C16orf95: variants seen among roughly 807,000 people sequenced by gnomAD.
C16orf95 encodes uncharacterized protein C16orf95.
In C16orf95, 41 loss-of-function variants were observed where a neutral mutation model predicts 32.1. The ratio of observed to expected loss-of-function variants is 1.28; its 90% CI spans 1.00 to 1.66. C16orf95 has a LOEUF of 1.66. Among genes scored for constraint, C16orf95 ranks in the 40% most tolerant of loss-of-function variants. C16orf95 has a pLI of 0.00. For missense variants in C16orf95, 399 were observed against 325.9 expected (o/e 1.22, Z -1.73); for synonymous variants, 147 against 128.9 (o/e 1.14, Z -0.95).
intron 2 of C16orf95, 105 bp downstream of exon 2, chr16:87,315,667 G>A (rs952259405): frequency 1.2e-4 from 106 of 870,118 alleles, no homozygotes; most frequent in Non-Finnish European, 1.6e-4. Flanking sequence ...GTGTTTGGAG[G>A]ATTCTCTCAT....
rs1904316075 is a variant in C16orf95, at chr16:87,315,693, G to C, written c.204+79C>G. On this transcript the variant is annotated intron_variant, in intron 2 of 6. Coordinates refer to ENST00000567970, the MANE Select transcript of C16orf95 (RefSeq NM_001195124.3). ...ATTCTCTCATGGGATGCAGCTTCTGGACCCACATTCCCTGCTCTCCTCACC... is the reference window on the plus strand; with the variant it reads ...ATTCTCTCATGGGATGCAGCTTCTGCACCCACATTCCCTGCTCTCCTCACC... 3 of 1,115,174 alleles carry C rather than the reference G, an allele frequency of 2.7e-6. No homozygotes were observed. In the South Asian group the frequency reaches 5.1e-5, roughly 19 times the overall value. 69.1% of individuals were successfully genotyped at this position (1,115,174 alleles called of 1,614,324 possible). A position where few individuals can be genotyped will look rare whatever the true frequency, so the allele number is the denominator to read the frequency against.
chr16:87,306,824 T>C (rs1277831219), intron 5 of C16orf95, among the ~76,000 whole-genome samples: 1 of 152,216 alleles, frequency 6.6e-6, no homozygotes, highest in Non-Finnish European at 1.5e-5. Context: ...ATAAGTCACC[T>C]AAACTACAAA....
intron 3 of C16orf95, among the ~76,000 whole-genome samples, chr16:87,313,284 G>C (rs1234176557): frequency 1.3e-5 from 2 of 151,682 alleles, no homozygotes; most frequent in Non-Finnish European, 2.9e-5. Context: ...ATAAAGTCAA[G>C]ACACAATAAT....
At position 87,305,619 on chromosome 16, in the gene C16orf95, A is replaced by C. The variant is rs1332107634; in HGVS notation, c.701+100T>G. 3 of 1,105,150 alleles carry C rather than the reference A, an allele frequency of 2.7e-6. No homozygotes were observed. The highest frequency in any genetic ancestry group is 2.5e-6 in the Non-Finnish European group (2 of 808,146). 68.5% of individuals were successfully genotyped at this position (1,105,150 alleles called of 1,614,324 possible). On this transcript the variant is annotated intron_variant, in intron 6 of 6. Transcript: ENST00000567970. This position sits in a 1 kb window ranked among gnomAD's most constrained non-coding sequence, Gnocchi z 4.2. The stretch of plus-strand genomic sequence containing the variant: ...TTGGACGCCTGTCAAGTTAAGCCCC[A>C]CCCCCCACTCTTCCACATCCCTGAT...
At chr16:87,306,720 A>G (rs1305256785) in intron 5 of C16orf95, among the ~76,000 whole-genome samples, 1 of 152,190 alleles carries the variant, frequency 6.6e-6, no homozygotes, top group African/African-American at 2.4e-5. Context: ...AAGAACTGTC[A>G]TAATTCTCCT....
rs937851207 is a variant in C16orf95, at chr16:87,317,209, G to A, written c.34C>T (p.Arg12Cys). Reference protein sequence around the residue: ...RASRSPPSPRRCHHHHEATGA... With the variant: ...RASRSPPSPRCCHHHHEATGA... ...GTGGCCTCATGATGATGGTGACAAC[G>A]CCGCGGGGACGGTGGGGACCGGCTC... The change falls in exon 1 of 7, where the codon CGT becomes TGT. Residue 12 changes from arginine (R) to cysteine (C), a missense_variant. Arg to Cys is a radical substitution (Grantham distance 180). Coordinates refer to ENST00000567970, the MANE Select transcript of C16orf95 (RefSeq NM_001195124.3). The A allele has an allele frequency of 2.0e-6, 3 of 1,529,548 alleles. No homozygotes were observed. Among genetic ancestry groups the A allele is most frequent in the South Asian group, 1.2e-5 (1 of 82,978 alleles). 94.7% of individuals were successfully genotyped at this position (1,529,548 alleles called of 1,614,324 possible).
chr16:87,315,202 G>T (rs375010852), intron 2 of C16orf95, 106 bp from the exon 3 acceptor site: 5 of 1,231,782 alleles, frequency 4.1e-6, no homozygotes, highest in Middle Eastern at 2.7e-4. Flanking sequence ...TGGTGTCCGG[G>T]GGCAGGGTCC....
chr16:87,307,498 C>T (rs984124202), intron 5 of C16orf95, among the ~76,000 whole-genome samples: 8 of 152,230 alleles, frequency 5.3e-5, no homozygotes, highest in Admixed American at 1.3e-4. Flanking sequence ...GTGGCTCACG[C>T]CTGTCATCCC....
At position 87,303,074 on chromosome 16, in the gene C16orf95, G is replaced by T. The variant is rs1157729482; in HGVS notation, c.703C>A (p.Gln235Lys). 6 of 1,536,066 alleles carry T rather than the reference G, an allele frequency of 3.9e-6. No individual in the cohort carries two copies. In the East Asian group the frequency reaches 7.3e-5, roughly 19 times the overall value. The change falls in exon 7 of 7, where the codon CAG becomes AAG. Residue 235 changes from glutamine (Q) to lysine (K), a missense_variant and splice_region_variant. Gln to Lys is a moderately conservative substitution (Grantham distance 53). Coordinates refer to ENST00000567970, the MANE Select transcript of C16orf95 (RefSeq NM_001195124.3). ...TTCCAACTTCAAACCCCAAAACACTGGCTGGAAAGCAAAGAGAGACAGTTA... is the reference window on the plus strand; with the variant it reads ...TTCCAACTTCAAACCCCAAAACACTTGCTGGAAAGCAAAGAGAGACAGTTA... ...AIPRVIMAIR[Q>K]CFGV is the part of the protein sequence containing the mutation.
intron 5 of C16orf95, 34 bp downstream of exon 5, chr16:87,310,263 G>A (rs778181948): frequency 2.6e-6 from 4 of 1,534,772 alleles, no homozygotes; most frequent in Non-Finnish European, 3.5e-6. Context: ...TCTGGGGAGG[G>A]GGATGATATG....
Position 87,310,476 on chromosome 16 carries a change from G to A in C16orf95, c.478-143C>T, listed in dbSNP as rs1597345024. On this transcript the variant is annotated intron_variant, in intron 4 of 6. Coordinates refer to ENST00000567970, the MANE Select transcript of C16orf95 (RefSeq NM_001195124.3). ...GGGCTCCTCCTTATGAGGTCTGCGG[G>A]CTCTTTTCTCTGAGGACAGCCTGCC... The A allele has an allele frequency of 5.2e-6, 4 of 767,014 alleles. No individual in the cohort carries two copies. In the East Asian group the frequency reaches 8.1e-5, roughly 15 times the overall value. The allele number at this position is 767,014 out of a possible 1,614,324, so 47.5% of individuals were successfully genotyped here.
At chr16:87,309,292 G>A (rs753554333) in intron 5 of C16orf95, among the ~76,000 whole-genome samples, 1 of 144,748 alleles carries the variant, frequency 6.9e-6, no homozygotes, top group Non-Finnish European at 1.5e-5. Context: ...TATCAGTTTA[G>A]TTTGGTGCAA....
At chr16:87,304,003 T>C (rs1332165398) in intron 6 of C16orf95, among the ~76,000 whole-genome samples, 1 of 152,174 alleles carries the variant, frequency 6.6e-6, no homozygotes, top group East Asian at 1.9e-4. Context: ...CTACTTAACA[T>C]TGATCCTTTA....
Position 87,313,595 on chromosome 16 carries a change from T to C in C16orf95, c.330+1376A>G, listed in dbSNP as rs571992435. On this transcript the variant is annotated intron_variant, in intron 3 of 6. Transcript: ENST00000567970. ...CGAAAAATAAACAAAATTAGCCTCG[T>C]ATGGTGGTGCACGCCTGTGGTCCCA... Among the ~76,000 whole-genome samples the C allele has an allele frequency of 8.6e-5, 13 of 152,020 alleles. No homozygotes were observed. In the South Asian group the frequency reaches 1.9e-3, roughly 22 times the overall value.
intron 5 of C16orf95, among the ~76,000 whole-genome samples, chr16:87,307,442 A>G (rs1364324524): frequency 6.8e-6 from 1 of 147,514 alleles, no homozygotes. Context: ...GGACTGCAAA[A>G]AGTTTGTAGA....
At position 87,309,383 on chromosome 16, in the gene C16orf95, T is replaced by C. The variant is rs1267098032; in HGVS notation, c.514+914A>G. On this transcript the variant is annotated intron_variant, in intron 5 of 6. Coordinates refer to ENST00000567970, the MANE Select transcript of C16orf95 (RefSeq NM_001195124.3). ...TTTTTCTTTCTTTTCTTTTTTTTTT[T>C]TTTTTTTTTTTTTTTTTGTAGACAG... is the stretch of plus-strand genomic sequence containing the variant. 7.3e-3 allele frequency among the ~76,000 whole-genome samples: 471 copies of C among 64,694 alleles called. 3 individuals carry two copies. Among genetic ancestry groups the C allele is most frequent in the African/African-American group, 0.018 (447 of 24,876 alleles). The allele number at this position is 64,694 out of a possible 152,430, so 42.4% of individuals were successfully genotyped here.
intron 5 of C16orf95, among the ~76,000 whole-genome samples, chr16:87,309,372 C>CTTTTTTTTTTTTTTTTTTTTTTTTTTTTT (rs10551847): frequency 1.2e-5 from 1 of 86,074 alleles, no homozygotes; most frequent in African/African-American, 5.9e-5. Flanking sequence ...TCTTTCTTTT[C>CTTTTTTTTTTTTTTTTTTTTTTTTTTTTT]TTTTTTTTTT....
At chr16:87,303,363 G>A (rs1017114210) in intron 6 of C16orf95, 2 of 415,112 alleles carry the variant, frequency 4.8e-6, no homozygotes, top group Non-Finnish European at 8.9e-6. Flanking sequence ...AAGGGGACAG[G>A]TGAAATGAAG....
intron 4 of C16orf95, among the ~76,000 whole-genome samples, chr16:87,310,934 C>G (rs1023879201): frequency 6.6e-6 from 1 of 152,210 alleles, no homozygotes; most frequent in Non-Finnish European, 1.5e-5. Flanking sequence ...CCAGTGCCAA[C>G]TGGGAGACCT....
Sources: allele counts gnomAD v4.1 joint callset (sites outside exome capture counted in the v4.1 genomes callset), GRCh38; gene constraint gnomAD v4.1.1; non-coding constraint Gnocchi (gnomAD v3.1); transcripts MANE v1.5; gene names NCBI Gene and HGNC (gene_info 2026-07-23, HGNC 2026-07-21).